Variants in CACNA2D3 observed in about 807,000 individuals in gnomAD.
CACNA2D3 encodes the protein voltage-dependent calcium channel subunit alpha-2/delta-3.
A neutral mutation model predicts 160.6 loss-of-function variants in CACNA2D3; 60 were observed. The observed-to-expected ratio is 0.37, with a 90% CI of 0.30 to 0.46. The LOEUF is 0.46. Among genes scored for constraint, CACNA2D3 ranks in the 20% least tolerant of loss-of-function variants. The probability of loss-of-function intolerance (pLI) is 1.00; values close to 1 mark genes in which losing one functional copy is unlikely to be tolerated. For synonymous variants in CACNA2D3, 558 were observed against 492.9 expected (o/e 1.13, Z -1.75); for missense variants, 1,205 against 1,365.0 (o/e 0.88, Z 1.85).
At position 54,880,807 on chromosome 3, in the gene CACNA2D3, C is replaced by T. The variant is rs369967606; in HGVS notation, c.1856C>T (p.Ala619Val). Residue 619 changes from alanine to valine, a missense_variant, in exon 21 of 38, where the codon GCG becomes GTG. Around this residue, in one of 3 missense-constraint regions of CACNA2D3, gnomAD observed 911 missense variants for 1,002.2 expected, o/e 0.91. Coordinates refer to ENST00000474759, the MANE Select transcript of CACNA2D3 (RefSeq NM_018398.3). ...GTCTCTCTGCACAGTTTAGGTGTGG[C>T]GCTTTCCAGAGGTCATGGGAAATAT... ...IKGTPFSLGV[A>V]LSRGHGKYFF... The T allele has an allele frequency of 1.2e-5, 19 of 1,613,514 alleles. No homozygotes were observed. The highest frequency in any genetic ancestry group is 2.2e-5 in the East Asian group (1 of 44,898).
At chr3:54,575,400 T>A (rs931740196) in intron 8 of CACNA2D3, among the ~76,000 whole-genome samples, 1 of 152,216 alleles carries the variant, frequency 6.6e-6, no homozygotes, top group Non-Finnish European at 1.5e-5. Flanking sequence ...TCTTATCTTA[T>A]TTTTTGTTTC....
intron 11 of CACNA2D3, among the ~76,000 whole-genome samples, chr3:54,710,933 A>G (rs867833940): frequency 6.0e-4 from 91 of 152,208 alleles, no homozygotes; most frequent in African/African-American, 2.1e-3. Flanking sequence ...TGAGGAGGCA[A>G]TTTAATTACA....
In CACNA2D3 at chr3:54,402,751, A is replaced by T. The variant is rs74390523; in HGVS notation, c.381+15977A>T. 8.2e-3 allele frequency among the ~76,000 whole-genome samples: 1,248 copies of T among 152,290 alleles called. 16 individuals carry two copies. The highest frequency in any genetic ancestry group is 0.028 in the African/African-American group (1,184 of 41,550). On this transcript the variant is annotated intron_variant, in intron 4 of 37. Coordinates refer to ENST00000474759, the MANE Select transcript of CACNA2D3 (RefSeq NM_018398.3). ...ATGAAAATTAATAAGGAAATACTGT[A>T]ATTGAACTGCACTTCAGAAAAAAAT...
chr3:54,799,270 A>C (rs887785229), intron 13 of CACNA2D3, among the ~76,000 whole-genome samples: 4 of 152,218 alleles, frequency 2.6e-5, no homozygotes, highest in Non-Finnish European at 5.9e-5. Context: ...AAAATATGGC[A>C]CCAGCATAGT....
chr3:54,677,851 TTAAAAA>T (rs2106908991), intron 11 of CACNA2D3, among the ~76,000 whole-genome samples: 1 of 152,050 alleles, frequency 6.6e-6, no homozygotes, highest in South Asian at 2.1e-4. Context: ...AATTTTAGTC[TTAAAAA>T]TAGATACTCA....
At chr3:54,192,352 C>A (rs1700999504) in intron 2 of CACNA2D3, among the ~76,000 whole-genome samples, 1 of 152,164 alleles carries the variant, frequency 6.6e-6, no homozygotes, top group Non-Finnish European at 1.5e-5. Flanking sequence ...GCAAACAGGG[C>A]ATTGATATTG....
At chr3:54,825,952 A>T (rs1193519969) in intron 14 of CACNA2D3, among the ~76,000 whole-genome samples, 1 of 152,216 alleles carries the variant, frequency 6.6e-6, no homozygotes, top group Non-Finnish European at 1.5e-5. Flanking sequence ...GAAAACACAC[A>T]TACCATATGT....
At chr3:55,073,592 G>C in intron 36 of CACNA2D3, 35 bp downstream of exon 36, 4 of 1,528,780 alleles carry the variant, frequency 2.6e-6, no homozygotes, top group Non-Finnish European at 3.6e-6. Context: ...TCACTACCAC[G>C]GAAACCAGTA....
chr3:54,302,687 A>C (rs1703505930), intron 2 of CACNA2D3, among the ~76,000 whole-genome samples: 1 of 152,162 alleles, frequency 6.6e-6, no homozygotes, highest in Non-Finnish European at 1.5e-5. Flanking sequence ...CCCATGTCCC[A>C]GTGAGCTTCA....
At chr3:54,292,972 A>G (rs1380847869) in intron 2 of CACNA2D3, among the ~76,000 whole-genome samples, 4 of 152,366 alleles carry the variant, frequency 2.6e-5, no homozygotes, top group East Asian at 1.9e-4. Flanking sequence ...TGATATATGC[A>G]TACAATGGAA....
At chr3:55,014,070 G>A (rs185758830) in intron 34 of CACNA2D3, among the ~76,000 whole-genome samples, 1 of 152,330 alleles carries the variant, frequency 6.6e-6, no homozygotes, top group African/African-American at 2.4e-5. Context: ...ACTCACTGCA[G>A]TGTGACCTTG....
At chr3:54,628,251 T>C (rs978794845) in intron 10 of CACNA2D3, among the ~76,000 whole-genome samples, 1 of 151,790 alleles carries the variant, frequency 6.6e-6, no homozygotes, top group African/African-American at 2.4e-5. Context: ...AAGAAAAAAA[T>C]TGTGGGCCAG....
intron 4 of CACNA2D3, among the ~76,000 whole-genome samples, chr3:54,483,340 T>C (rs377297748): frequency 6.6e-6 from 1 of 152,086 alleles, no homozygotes; most frequent in East Asian, 1.9e-4. Flanking sequence ...CATCTTGCAG[T>C]TGATTAGGTG....
chr3:54,799,585 T>A (rs566643299), intron 13 of CACNA2D3, among the ~76,000 whole-genome samples: 98 of 152,344 alleles, frequency 6.4e-4, no homozygotes, highest in Middle Eastern at 3.4e-3. Flanking sequence ...ATGGCTTCAT[T>A]GCAGACTCTT....
At chr3:54,683,107 A>G (rs933153907) in intron 11 of CACNA2D3, among the ~76,000 whole-genome samples, 1 of 152,148 alleles carries the variant, frequency 6.6e-6, no homozygotes, top group African/African-American at 2.4e-5. Context: ...TCTCACTGAC[A>G]GGAATAAAAA....
chr3:54,976,885 A>G (rs900163583), intron 29 of CACNA2D3, among the ~76,000 whole-genome samples: 2 of 152,204 alleles, frequency 1.3e-5, no homozygotes, highest in African/African-American at 4.8e-5. Context: ...GCTGGCTGTT[A>G]TAAGGAGCAT....
chr3:54,436,914 A>G (rs953897240), intron 4 of CACNA2D3, among the ~76,000 whole-genome samples: 11 of 152,156 alleles, frequency 7.2e-5, no homozygotes, highest in Admixed American at 2.6e-4. Context: ...TACACATCAG[A>G]AGAAACAAGA....
At chr3:54,889,414 G>A (rs1700003263) in intron 24 of CACNA2D3, among the ~76,000 whole-genome samples, 1 of 152,210 alleles carries the variant, frequency 6.6e-6, no homozygotes, top group African/African-American at 2.4e-5. Flanking sequence ...TGGGCACAGA[G>A]AGAAGAGGTC....
intron 35 of CACNA2D3, among the ~76,000 whole-genome samples, chr3:55,041,065 T>C (rs1030838298): frequency 4.6e-5 from 7 of 152,300 alleles, no homozygotes; most frequent in East Asian, 1.9e-4. Flanking sequence ...TCATATTATA[T>C]TATATGCCAC....
Sources: gnomAD v4.1 joint callset for allele counts (sites outside exome capture counted in the v4.1 genomes callset) on GRCh38, gnomAD v4.1.1 for gene constraint, gnomAD v4.1.1 regional missense constraint, MANE v1.5 for transcripts, NCBI Gene and HGNC (gene_info 2026-07-23, HGNC 2026-07-21) for gene names.